SERPINH1: variants seen among roughly 807,000 people sequenced by gnomAD.
SERPINH1 encodes serpin H1.
In SERPINH1, 22 loss-of-function variants were observed where a neutral mutation model predicts 32.3. The observed-to-expected ratio is 0.68, with a 90% CI of 0.49 to 0.97. SERPINH1 has a LOEUF of 0.97. SERPINH1 is among the 50% of genes least tolerant of loss of function. SERPINH1 has a pLI of 0.00. For synonymous variants in SERPINH1, 251 were observed against 245.9 expected (o/e 1.02, Z -0.19); for missense variants, 543 against 576.4 (o/e 0.94, Z 0.59).
chr11:75,566,939 G>T lies in SERPINH1; in HGVS notation c.590G>T (p.Gly197Val), dbSNP rs755592285. 1.2e-6 allele frequency: 2 copies of T among 1,603,402 alleles called. No homozygotes were observed. The highest frequency in any genetic ancestry group is 1.7e-6 in the Non-Finnish European group (2 of 1,179,310). Residue 197 changes from glycine (G) to valine (V), a missense_variant, in exon 2 of 5, where the codon GGC (glycine) becomes GTC (valine). Gly to Val is a moderately radical substitution (Grantham distance 109, BLOSUM62 -3). Transcript: ENST00000358171. ...ACCAAGGACGTGGAGCGCACGGACG[G>T]CGCCCTGCTAGTCAACGCCATGTTC... ...EVTKDVERTD[G>V]ALLVNAMFFK...
chr11:75,570,562 T>C (rs1407076500), intron 4 of SERPINH1, among the ~76,000 whole-genome samples: 3 of 152,140 alleles, frequency 2.0e-5, no homozygotes, highest in African/African-American at 7.2e-5. Flanking sequence ...TGCAAGGTCA[T>C]CCGGGTGGGA....
Position 75,568,735 on chromosome 11 carries a change from C to G in SERPINH1, c.627C>G (p.His209Gln), listed in dbSNP as rs569867446. The stretch of plus-strand genomic sequence containing the variant: ...TGTGTTTTGCCCCAACTACAGCACA[C>G]TGGGATGAGAAATTCCACCACAAGA... ...LLVNAMFFKPHWDEKFHHKMV... is the reference protein window; with the variant it reads ...LLVNAMFFKPQWDEKFHHKMV... The change falls in exon 3 of 5, where the codon CAC becomes CAG. Residue 209 changes from histidine to glutamine, a missense_variant. Coordinates refer to ENST00000358171, the MANE Select transcript of SERPINH1 (RefSeq NM_001235.5). 2 of 1,612,184 alleles carry G rather than the reference C, an allele frequency of 1.2e-6. No individual in the cohort carries two copies. Among genetic ancestry groups the G allele is most frequent in the East Asian group, 4.5e-5 (2 of 44,864 alleles).
At chr11:75,569,225 C>T (rs1172562981) in intron 4 of SERPINH1, 54 bp downstream of exon 4, 1 of 1,318,190 alleles carries the variant, frequency 7.6e-7, no homozygotes, top group Non-Finnish European at 1.1e-6. Flanking sequence ...GGGGGAGGTG[C>T]TTGGGGGACC....
In SERPINH1 at chr11:75,572,474, C is replaced by T. The variant is rs1942216500; in HGVS notation, c.*391C>T. On this transcript the variant is annotated 3_prime_UTR_variant, in exon 5 of 5. Coordinates refer to ENST00000358171, the MANE Select transcript of SERPINH1 (RefSeq NM_001235.5). ...CTCTTCTGACACTAAAACACCTCAG[C>T]TGCCTCCCCAGCTCTATCCCAACCT... 1 of 331,040 alleles carries T rather than the reference C, an allele frequency of 3.0e-6. No individual in the cohort carries two copies. The highest frequency in any genetic ancestry group is 4.1e-5 in the Admixed American group (1 of 24,634). The allele number at this position is 331,040 out of a possible 1,614,324, so 20.5% of individuals were successfully genotyped here. A position where few individuals can be genotyped will look rare whatever the true frequency, so the allele number is the denominator to read the frequency against.
chr11:75,566,896 G>A lies in SERPINH1; in HGVS notation c.547G>A (p.Gly183Ser), dbSNP rs758606932. 32 of 1,608,774 alleles carry A rather than the reference G, an allele frequency of 2.0e-5. No individual in the cohort carries two copies. Among genetic ancestry groups the A allele is most frequent in the Non-Finnish European group, 2.6e-5 (31 of 1,179,956 alleles). The change falls in exon 2 of 5, where the codon GGC becomes AGC. Residue 183 changes from glycine to serine, a missense_variant. Gly to Ser is a moderately conservative substitution (Grantham distance 56). Around this residue, in one of 3 missense-constraint regions of SERPINH1, gnomAD observed 427 missense variants for 446.4 expected, o/e 0.96. Coordinates refer to ENST00000358171, the MANE Select transcript of SERPINH1 (RefSeq NM_001235.5). Reference sequence around the variant, plus strand: ...CGAGTGGGCCGCGCAGACCACCGACGGCAAGCTGCCCGAGGTCACCAAGGA... The same window carrying A: ...CGAGTGGGCCGCGCAGACCACCGACAGCAAGCTGCCCGAGGTCACCAAGGA... Reference protein sequence around the residue: ...INEWAAQTTDGKLPEVTKDVE... With the variant: ...INEWAAQTTDSKLPEVTKDVE...
Position 75,566,580 on chromosome 11 carries a change from G to T in SERPINH1, c.231G>T (p.Ser77=), listed in dbSNP as rs1297011035. Residue 77 remains serine, a synonymous_variant, in exon 2 of 5, where the codon TCG becomes TCT. Transcript: ENST00000358171. ...ILVSPVVVAS[S]LGLVSLGGKA... ...TGTCACCCGTGGTGGTGGCCTCGTC[G>T]CTAGGGCTCGTGTCGCTGGGCGGCA... 6.2e-7 allele frequency: 1 copy of T among 1,609,336 alleles called. No homozygotes were observed. The highest frequency in any genetic ancestry group is 8.5e-7 in the Non-Finnish European group (1 of 1,179,372).
chr11:75,568,511 G>T (rs1043564069), intron 2 of SERPINH1: 2 of 619,174 alleles, frequency 3.2e-6, no homozygotes, highest in Admixed American at 2.3e-5. Flanking sequence ...TGACTGTAGG[G>T]AACCGCATCC....
intron 2 of SERPINH1, among the ~76,000 whole-genome samples, chr11:75,567,626 C>A (rs887599648): frequency 2.0e-5 from 3 of 152,188 alleles, no homozygotes; most frequent in African/African-American, 7.2e-5. Flanking sequence ...GCGGCCAAGA[C>A]CCAGAATCCT....
At chr11:75,571,745 C>G (rs201950326) in intron 4 of SERPINH1, 36 bp from the exon 5 acceptor site, 1 of 1,602,468 alleles carries the variant, frequency 6.2e-7, no homozygotes, top group Admixed American at 1.7e-5. Context: ...GCCTGGCAGC[C>G]ATGGCCTCAC....
In SERPINH1 at chr11:75,566,667, G is replaced by C. The variant is rs561786753; in HGVS notation, c.318G>C (p.Glu106Asp). ...VLSAEQLRDE[E>D]VHAGLGELLR... ...GCGCCGAGCAGCTGCGCGACGAGGAGGTGCACGCCGGCCTGGGCGAGCTGC... is the reference window on the plus strand; with the variant it reads ...GCGCCGAGCAGCTGCGCGACGAGGACGTGCACGCCGGCCTGGGCGAGCTGC... The change falls in exon 2 of 5, where the codon GAG (glutamate) becomes GAC (aspartate). Residue 106 changes from glutamate to aspartate, a missense_variant. By Grantham distance (45) the Glu-to-Asp change is conservative (BLOSUM62 2). Around this residue, in one of 3 missense-constraint regions of SERPINH1, gnomAD observed 427 missense variants for 446.4 expected, o/e 0.96. Coordinates refer to ENST00000358171, the MANE Select transcript of SERPINH1 (RefSeq NM_001235.5). 1 of 1,608,322 alleles carries C rather than the reference G, an allele frequency of 6.2e-7. No homozygotes were observed. Among genetic ancestry groups the C allele is most frequent in the Non-Finnish European group, 8.5e-7 (1 of 1,178,124 alleles).
At position 75,566,481 on chromosome 11, in the gene SERPINH1, C is replaced by T. The variant is rs145039745; in HGVS notation, c.132C>T (p.Ala44=). 7.4e-6 allele frequency: 12 copies of T among 1,612,404 alleles called. No homozygotes were observed. Among genetic ancestry groups the T allele is most frequent in the South Asian group, 6.6e-5 (6 of 90,970 alleles). The change falls in exon 2 of 5, where the codon GCC becomes GCT. Residue 44 remains alanine, a synonymous_variant. Coordinates refer to ENST00000358171, the MANE Select transcript of SERPINH1 (RefSeq NM_001235.5). ...TGAGCCCCAAGGCGGCCACGCTTGC[C>T]GAGCGCAGCGCCGGCCTGGCCTTCA... ...EKLSPKAATL[A]ERSAGLAFSL...
chr11:75,571,238 A>G (rs1942190403), intron 4 of SERPINH1, among the ~76,000 whole-genome samples: 3 of 152,188 alleles, frequency 2.0e-5, no homozygotes, highest in African/African-American at 7.2e-5. Flanking sequence ...TATACCCACT[A>G]ATTCCCCCCT....
rs1018770051 is a variant in SERPINH1 at position 75,566,871 on chromosome 11, C to T, written c.522C>T (p.Asn174=). Residue 174 remains asparagine (N), a synonymous_variant, in exon 2 of 5, where the codon AAC becomes AAT. Transcript: ENST00000358171. ...RDKRSALQSI[N]EWAAQTTDGK... ...AGCGCAGCGCGCTGCAGTCCATCAA[C>T]GAGTGGGCCGCGCAGACCACCGACG... 7 of 1,610,666 alleles carry T rather than the reference C, an allele frequency of 4.3e-6. No homozygotes were observed. The Admixed American group carries it at 1.0e-4, about 23-fold the overall frequency.
intron 1 of SERPINH1, among the ~76,000 whole-genome samples, chr11:75,564,846 G>A (rs1565240671): frequency 6.6e-6 from 1 of 152,208 alleles, no homozygotes; most frequent in East Asian, 1.9e-4. Context: ...TGGGGAGCCT[G>A]TCCAGGTTTT....
Position 75,568,863 on chromosome 11 carries a change from G to A in SERPINH1, c.721+34G>A, listed in dbSNP as rs201156258. 15 of 1,606,656 alleles carry A rather than the reference G, an allele frequency of 9.3e-6. No homozygotes were observed. The Admixed American group carries it at 2.3e-4, about 25-fold the overall frequency. On this transcript the variant is annotated intron_variant, in intron 3 of 4. Transcript: ENST00000358171. ...TGTGAGGAGCAGGGTGTCAAGGTGG[G>A]TGGGGGTCCAAGGGTAGTTGGTCTG...
intron 2 of SERPINH1, chr11:75,568,149 CGTG>C (rs1406599643): frequency 1.2e-5 from 2 of 166,188 alleles, no homozygotes; most frequent in Non-Finnish European, 2.6e-5. Flanking sequence ...ATTAGCCAGG[CGTG>C]GTGGCGCATG....
Position 75,565,245 on chromosome 11 carries a change from TG to T in SERPINH1, c.-34-1070del, listed in dbSNP as rs553946814. On this transcript the variant is annotated intron_variant, in intron 1 of 4. Coordinates refer to ENST00000358171, the MANE Select transcript of SERPINH1 (RefSeq NM_001235.5). ...CTGAAGCCGTGGAGCAGATGGCCTG[TG>T]TGGCAGTGGCTGTCAGATTGGAGGG... Among the ~76,000 whole-genome samples, 70 of 152,298 alleles carry T rather than the reference TG, an allele frequency of 4.6e-4. 1 individual carries two copies. The South Asian group carries it at 0.015, about 32-fold the overall frequency.
chr11:75,567,057 T>C (rs1942103998), intron 2 of SERPINH1, 86 bp downstream of exon 2: 1 of 1,414,190 alleles, frequency 7.1e-7, no homozygotes, highest in African/African-American at 1.4e-5. Context: ...CGCTCCATTC[T>C]TCACTGCCTC....
intron 2 of SERPINH1, 75 bp from the exon 3 acceptor site, chr11:75,568,656 G>A (rs1413378113): frequency 1.2e-5 from 11 of 941,582 alleles, no homozygotes; most frequent in Admixed American, 1.8e-5. Context: ...GTCTGCAGCC[G>A]GGGGTGGCTG....
Sources: allele counts gnomAD v4.1 joint callset (sites outside exome capture counted in the v4.1 genomes callset), GRCh38; gene constraint gnomAD v4.1.1; regional missense constraint gnomAD v4.1.1; transcripts MANE v1.5; gene names NCBI Gene and HGNC (gene_info 2026-07-23, HGNC 2026-07-21).